Variants in NUP93 observed in about 807,000 individuals in gnomAD.
NUP93 encodes nuclear pore complex protein Nup93.
NUP93 carries 55 observed loss-of-function variants against 107.8 expected under a neutral mutation model. That is an observed-to-expected ratio of 0.51 (90% CI 0.41 to 0.64). NUP93 has a LOEUF of 0.64. Among genes scored for constraint, NUP93 ranks in the 30% least tolerant of loss-of-function variants. The probability of loss-of-function intolerance (pLI) is 0.00; values close to 1 mark genes in which losing one functional copy is unlikely to be tolerated. For synonymous variants in NUP93, 390 were observed against 397.5 expected (o/e 0.98, Z 0.22); for missense variants, 937 against 1,044.7 (o/e 0.90, Z 1.42).
intron 3 of NUP93, among the ~76,000 whole-genome samples, chr16:56,793,195 G>C (rs1962808130): frequency 6.6e-6 from 1 of 152,262 alleles, no homozygotes; most frequent in Non-Finnish European, 1.5e-5. Flanking sequence ...GCAAGGGTCT[G>C]TTTCAGCACC....
At chr16:56,777,280 G>A (rs1198452772) in intron 3 of NUP93, among the ~76,000 whole-genome samples, 1 of 152,102 alleles carries the variant, frequency 6.6e-6, no homozygotes, top group Non-Finnish European at 1.5e-5. Context: ...CTTTCACCGA[G>A]GTGCATTTCG....
At chr16:56,736,583 G>T (rs777912239) in intron 1 of NUP93, among the ~76,000 whole-genome samples, 23 of 152,180 alleles carry the variant, frequency 1.5e-4, no homozygotes, top group Non-Finnish European at 3.2e-4. Flanking sequence ...AAGGAACAGG[G>T]TGAGTTAGAA....
At position 56,798,462 on chromosome 16, in the gene NUP93, T is replaced by C. The variant is rs755444581; in HGVS notation, c.298-14T>C. On this transcript the variant is annotated splice_polypyrimidine_tract_variant and intron_variant, in intron 3 of 21. Coordinates refer to ENST00000308159, the MANE Select transcript of NUP93 (RefSeq NM_014669.5). ...AGTTAATTTTAAGTTGTGTTAATTTTCCCCCATTTATAGGGCTTCCTGAAG... is the reference window on the plus strand; with the variant it reads ...AGTTAATTTTAAGTTGTGTTAATTTCCCCCCATTTATAGGGCTTCCTGAAG... The C allele has an allele frequency of 3.1e-6, 5 of 1,611,562 alleles. No homozygotes were observed. The highest frequency in any genetic ancestry group is 2.7e-5 in the African/African-American group (2 of 74,856).
At chr16:56,774,964 A>G (rs1342904350) in intron 3 of NUP93, among the ~76,000 whole-genome samples, 1 of 151,064 alleles carries the variant, frequency 6.6e-6, no homozygotes, top group African/African-American at 2.4e-5. Flanking sequence ...CAGTGGTGCA[A>G]TCTCTGCTCA....
chr16:56,730,429 A>C (rs1477285651), intron 1 of NUP93, among the ~76,000 whole-genome samples: 1 of 152,012 alleles, frequency 6.6e-6, no homozygotes, highest in East Asian at 1.9e-4. Flanking sequence ...GGTGCCTTTC[A>C]TTCGTCCACT....
Position 56,839,570 on chromosome 16 carries a change from A to G in NUP93, c.2186A>G (p.Glu729Gly), listed in dbSNP as rs746335792. The G allele has an allele frequency of 1.9e-6, 3 of 1,613,966 alleles. No individual in the cohort carries two copies. Among genetic ancestry groups the G allele is most frequent in the Admixed American group, 3.3e-5 (2 of 59,994 alleles). The change falls in exon 20 of 22, where the codon GAG becomes GGG. Residue 729 changes from glutamate to glycine, a missense_variant. Physicochemically the swap from Glu to Gly is moderately conservative, Grantham distance 98 (BLOSUM62 -2). Coordinates refer to ENST00000308159, the MANE Select transcript of NUP93 (RefSeq NM_014669.5). ...CCCCTGAATCAGGAAAGTGTGGAAGAGAGAGTGGCTGCCTTCAGAAATTTC... is the reference window on the plus strand; with the variant it reads ...CCCCTGAATCAGGAAAGTGTGGAAGGGAGAGTGGCTGCCTTCAGAAATTTC... ...LVPLNQESVE[E>G]RVAAFRNFSD...
intron 1 of NUP93, among the ~76,000 whole-genome samples, chr16:56,739,798 G>A (rs1597100052): frequency 5.9e-5 from 5 of 84,992 alleles, no homozygotes; most frequent in East Asian, 5.5e-4. Context: ...AGGGGCGGCC[G>A]GGCAGAGGCG....
At chr16:56,746,896 G>A (rs558463230) in intron 1 of NUP93, among the ~76,000 whole-genome samples, 23 of 152,186 alleles carry the variant, frequency 1.5e-4, no homozygotes, top group Middle Eastern at 3.4e-3. Context: ...CTGACAGAGC[G>A]AGACTCTGTC....
intron 5 of NUP93, among the ~76,000 whole-genome samples, chr16:56,817,026 G>T (rs1596834989): frequency 6.6e-6 from 1 of 152,138 alleles, no homozygotes; most frequent in East Asian, 1.9e-4. Flanking sequence ...AGCTTGAAAG[G>T]TGGCAGAGTG....
rs78433650 is a variant in NUP93 at position 56,749,985 on chromosome 16, C to T, written c.179+1559C>T. The stretch of plus-strand genomic sequence containing the variant: ...ACTCCTGGCTGCCTGCAGTTACCCC[C>T]AGTCTTGAGCATGCAGGCTCTGTGC... On this transcript the variant is annotated intron_variant, in intron 2 of 21. Coordinates refer to ENST00000308159, the MANE Select transcript of NUP93 (RefSeq NM_014669.5). 1.7e-3 allele frequency among the ~76,000 whole-genome samples: 261 copies of T among 152,354 alleles called. 4 individuals carry two copies. In the East Asian group the frequency reaches 0.044, roughly 26 times the overall value.
chr16:56,797,682 G>C (rs1394006347), intron 3 of NUP93, among the ~76,000 whole-genome samples: 1 of 152,202 alleles, frequency 6.6e-6, no homozygotes, highest in African/African-American at 2.4e-5. Flanking sequence ...AGAGCTACAT[G>C]TATTGAGCCT....
intron 5 of NUP93, among the ~76,000 whole-genome samples, chr16:56,817,636 T>C (rs117251475): frequency 7.7e-4 from 117 of 152,270 alleles, no homozygotes; most frequent in Non-Finnish European, 1.2e-3. Context: ...TAAAGATGAA[T>C]ATTCTTTCTT....
intron 1 of NUP93, among the ~76,000 whole-genome samples, chr16:56,744,341 C>G (rs903067911): frequency 1.3e-5 from 2 of 152,008 alleles, no homozygotes; most frequent in African/African-American, 4.8e-5. Flanking sequence ...TATTTTGTGG[C>G]TAAATTGATA....
Position 56,823,772 on chromosome 16 carries a change from T to A in NUP93, c.720T>A (p.Asp240Glu), listed in dbSNP as rs1011648583. ...ACGTGTTGTTGACACCGGCAACGGA[T>A]GCCCTGAAGAACCGCAGCAGCGTGG... ...MTDVLLTPAT[D>E]ALKNRSSVEV... Residue 240 changes from aspartate to glutamate, a missense_variant, in exon 8 of 22, where the codon GAT becomes GAA. Asp to Glu is a conservative substitution (Grantham distance 45, BLOSUM62 2). Coordinates refer to ENST00000308159, the MANE Select transcript of NUP93 (RefSeq NM_014669.5). 7 of 1,614,086 alleles carry A rather than the reference T, an allele frequency of 4.3e-6. No individual in the cohort carries two copies. Among genetic ancestry groups the A allele is most frequent in the Non-Finnish European group, 5.9e-6 (7 of 1,180,022 alleles).
At chr16:56,819,862 C>G (rs1178526893) in intron 6 of NUP93, among the ~76,000 whole-genome samples, 1 of 152,204 alleles carries the variant, frequency 6.6e-6, no homozygotes, top group Non-Finnish European at 1.5e-5. Flanking sequence ...CTCCAGGCAG[C>G]TGAAACCCCC....
At chr16:56,832,171 A>T (rs1345269214) in intron 11 of NUP93, 124 bp from the exon 12 acceptor site, 1 of 1,226,720 alleles carries the variant, frequency 8.2e-7, no homozygotes, top group Non-Finnish European at 1.2e-6. Context: ...CCAGCTCATA[A>T]CCATAGCCTT....
At chr16:56,731,524 CG>C (rs1847311816) in intron 1 of NUP93, among the ~76,000 whole-genome samples, 1 of 151,872 alleles carries the variant, frequency 6.6e-6, no homozygotes, top group South Asian at 2.1e-4. Context: ...TCTCCTACTT[CG>C]GCCTCCCAAG....
chr16:56,840,673 A>G (rs371335320), intron 20 of NUP93, among the ~76,000 whole-genome samples: 17 of 152,144 alleles, frequency 1.1e-4, no homozygotes, highest in East Asian at 5.8e-4. Flanking sequence ...TCAGTTTACA[A>G]TTCTTCCTCA....
intron 3 of NUP93, among the ~76,000 whole-genome samples, chr16:56,786,586 C>A (rs917202798): frequency 2.6e-5 from 4 of 152,230 alleles, no homozygotes; most frequent in African/African-American, 7.2e-5. Context: ...TGCTTGGAGT[C>A]TTCCTGGGCC....
Sources: gnomAD v4.1 joint callset for allele counts (sites outside exome capture counted in the v4.1 genomes callset) on GRCh38, gnomAD v4.1.1 for gene constraint, MANE v1.5 for transcripts, NCBI Gene and HGNC (gene_info 2026-07-23, HGNC 2026-07-21) for gene names.